The following ADAM12 variants were observed in gnomAD, a reference collection of about 807,000 sequenced individuals.
ADAM12 encodes ADAM metallopeptidase domain 12, also known as disintegrin and metalloproteinase domain-containing protein 12.
A neutral mutation model predicts 106.4 loss-of-function variants in ADAM12; 70 were observed. The observed-to-expected ratio is 0.66, with a 90% CI of 0.54 to 0.80. The LOEUF is 0.80. Among genes scored for constraint, ADAM12 ranks in the 30% least tolerant of loss-of-function variants. The pLI is 0.00. For synonymous variants in ADAM12, 420 were observed against 433.5 expected (o/e 0.97, Z 0.39); for missense variants, 1,010 against 1,171.9 (o/e 0.86, Z 2.02).
intron 11 of ADAM12, among the ~76,000 whole-genome samples, chr10:126,090,105 A>G (rs553631314): frequency 1.3e-5 from 2 of 152,154 alleles, no homozygotes; most frequent in East Asian, 3.9e-4. Flanking sequence ...TGCAAGTTTT[A>G]AATTTTCCAT....
intron 21 of ADAM12, among the ~76,000 whole-genome samples, chr10:126,022,344 G>A (rs984499662): frequency 2.2e-4 from 33 of 152,196 alleles, no homozygotes; most frequent in Non-Finnish European, 1.6e-4. Flanking sequence ...GGGGATCAGC[G>A]CAGGCACCAT....
intron 1 of ADAM12, among the ~76,000 whole-genome samples, chr10:126,335,175 T>A (rs1854655125): frequency 6.6e-6 from 1 of 152,168 alleles, no homozygotes; most frequent in Non-Finnish European, 1.5e-5. Context: ...AAAATGCCAG[T>A]GTATAAGTGG....
intron 4 of ADAM12, among the ~76,000 whole-genome samples, chr10:126,152,860 A>G (rs1770448821): frequency 6.6e-6 from 1 of 152,208 alleles, no homozygotes; most frequent in African/African-American, 2.4e-5. Flanking sequence ...CAAAATCTAA[A>G]GTTAATCAGC....
chr10:126,089,758 AG>A (rs1372794447), intron 11 of ADAM12, among the ~76,000 whole-genome samples: 1 of 151,744 alleles, frequency 6.6e-6, no homozygotes, highest in Non-Finnish European at 1.5e-5. Context: ...GTGTCCCCAC[AG>A]CGCCCACAGG....
intron 3 of ADAM12, among the ~76,000 whole-genome samples, chr10:126,274,718 G>A (rs530648116): frequency 9.2e-5 from 14 of 152,214 alleles, no homozygotes; most frequent in African/African-American, 2.6e-4. Flanking sequence ...TAAGGCCACC[G>A]GCAGCAACCT....
chr10:126,038,378 A>G (rs774848551), intron 19 of ADAM12, 29 bp from the exon 20 acceptor site: 77 of 1,507,736 alleles, frequency 5.1e-5, no homozygotes, highest in Non-Finnish European at 6.5e-5. Context: ...CCTGCTGACC[A>G]AGCGTGTTTC....
chr10:126,106,706 G>A (rs1353118703), intron 8 of ADAM12, among the ~76,000 whole-genome samples: 4 of 151,872 alleles, frequency 2.6e-5, no homozygotes, highest in East Asian at 3.9e-4. Context: ...GGATGGTCTC[G>A]ATCTCTTGAC....
At chr10:126,179,474 A>G (rs935042501) in intron 3 of ADAM12, among the ~76,000 whole-genome samples, 2 of 152,172 alleles carry the variant, frequency 1.3e-5, no homozygotes, top group African/African-American at 4.8e-5. Context: ...AACAAAGTCA[A>G]TTCTAGAGAG....
At chr10:126,151,917 ATTCT>A (rs1357297197) in intron 4 of ADAM12, among the ~76,000 whole-genome samples, 9 of 151,446 alleles carry the variant, frequency 5.9e-5, no homozygotes, top group Middle Eastern at 3.5e-3. Context: ...TTACTTGGGA[ATTCT>A]TTCTTTCTTA....
At chr10:126,201,295 A>C (rs1164191145) in intron 3 of ADAM12, among the ~76,000 whole-genome samples, 5 of 152,136 alleles carry the variant, frequency 3.3e-5, no homozygotes, top group Admixed American at 3.3e-4. Context: ...TGTGGGCCTT[A>C]CAAGGAGAGG....
chr10:126,158,580 G>C (rs34435376), intron 3 of ADAM12, among the ~76,000 whole-genome samples: 51,447 of 82,140 alleles, frequency 0.63, 19,395 homozygotes, highest in East Asian at 0.77. Flanking sequence ...GCACAGAGCC[G>C]GGGGTGGGGA....
chr10:126,095,616 T>A (rs1413586820), intron 10 of ADAM12, among the ~76,000 whole-genome samples: 1 of 148,868 alleles, frequency 6.7e-6, no homozygotes, highest in Non-Finnish European at 1.5e-5. Context: ...CATGGACTAA[T>A]GGGTTAATGC....
chr10:126,353,597 T>A (rs1665224832), intron 1 of ADAM12, among the ~76,000 whole-genome samples: 1 of 152,242 alleles, frequency 6.6e-6, no homozygotes, highest in Non-Finnish European at 1.5e-5. Flanking sequence ...TTGCTGAGTA[T>A]CTCAACCTGT....
intron 4 of ADAM12, among the ~76,000 whole-genome samples, chr10:126,148,219 G>GA (rs1055851418): frequency 2.0e-5 from 3 of 152,040 alleles, no homozygotes; most frequent in African/African-American, 7.2e-5. Flanking sequence ...GATATTTAAA[G>GA]AAAAAAATAG....
chr10:126,060,714 C>T (rs1441918308), intron 14 of ADAM12, among the ~76,000 whole-genome samples: 4 of 152,220 alleles, frequency 2.6e-5, no homozygotes, highest in African/African-American at 9.6e-5. Context: ...AAGTCACCTC[C>T]GCTCCCAGGA....
At position 126,388,038 on chromosome 10, in the gene ADAM12, G is replaced by A. The variant is rs763956077; in HGVS notation, c.88+20C>T. On this transcript the variant is annotated intron_variant, in intron 1 of 22. Coordinates refer to ENST00000448723, the MANE Select transcript of ADAM12 (RefSeq NM_001288973.2). This position sits in a 1 kb window ranked among gnomAD's most constrained non-coding sequence, Gnocchi z 4.4. Reference sequence around the variant, plus strand: ...CCCTCGGCGGGGCGGGCAGCGAGCCGCCCTAGTTCGGCGACTTACCTCGGG... The same window carrying A: ...CCCTCGGCGGGGCGGGCAGCGAGCCACCCTAGTTCGGCGACTTACCTCGGG... 1 of 1,207,338 alleles carries A rather than the reference G, an allele frequency of 8.3e-7. No homozygotes were observed. The highest frequency in any genetic ancestry group is 3.4e-5 in the East Asian group (1 of 29,158). The allele number at this position is 1,207,338 out of a possible 1,614,324, so 74.8% of individuals were successfully genotyped here.
intron 3 of ADAM12, among the ~76,000 whole-genome samples, chr10:126,193,251 C>T (rs963188120): frequency 5.4e-5 from 6 of 110,476 alleles, no homozygotes; most frequent in African/African-American, 7.5e-5. Flanking sequence ...GGCGACAGAG[C>T]GAGACTCCAT....
At chr10:126,124,908 AAAAG>A (rs1252897510) in intron 5 of ADAM12, among the ~76,000 whole-genome samples, 1 of 146,044 alleles carries the variant, frequency 6.8e-6, no homozygotes, top group Non-Finnish European at 1.5e-5. Context: ...AAAAAAAAAA[AAAAG>A]AAAAAGAAAA....
chr10:126,310,090 C>T (rs11597204), intron 2 of ADAM12, among the ~76,000 whole-genome samples: 16,412 of 149,360 alleles, frequency 0.11, 1,173 homozygotes, highest in East Asian at 0.24. Context: ...ACCCAGGAGG[C>T]GGAGGATGTG....
Sources: gnomAD v4.1 joint callset for allele counts (sites outside exome capture counted in the v4.1 genomes callset) on GRCh38, gnomAD v4.1.1 for gene constraint, Gnocchi (gnomAD v3.1) non-coding constraint, MANE v1.5 for transcripts, NCBI Gene and HGNC (gene_info 2026-07-23, HGNC 2026-07-21) for gene names.